The following IGFLR1 variants were observed in gnomAD, a reference collection of about 807,000 sequenced individuals.
The protein encoded by IGFLR1 is IGF-like family receptor 1.
IGFLR1 carries 17 observed loss-of-function variants against 23.4 expected under a neutral mutation model. The ratio of observed to expected loss-of-function variants is 0.73; its 90% confidence interval spans 0.50 to 1.09. The LOEUF is 1.09. Ranked by LOEUF, IGFLR1 falls within the 50% of genes least tolerant of loss-of-function variation. The probability of loss-of-function intolerance (pLI) is 0.00; values close to 1 mark genes in which losing one functional copy is unlikely to be tolerated. For missense variants in IGFLR1, 556 were observed against 459.2 expected (o/e 1.21, Z -1.93); for synonymous variants, 265 against 210.7 (o/e 1.26, Z -2.23).
In IGFLR1 at chr19:35,739,413, A is replaced by G. The variant is rs772717230; in HGVS notation, c.935T>C (p.Leu312Pro). Residue 312 changes from leucine (L) to proline (P), a missense_variant, in exon 5 of 5, where the codon CTG becomes CCG. Leu to Pro is a moderately conservative substitution (Grantham distance 98, BLOSUM62 -3). Transcript: ENST00000246532. ...CTCCCTTGCCACCACCATCTCAATC[A>G]GAGCCCGCAGCGGCGAGCGACTCGG... ...LRPSRSPLRALIEMVVAREPS... is the reference protein window; with the variant it reads ...LRPSRSPLRAPIEMVVAREPS... The G allele has an allele frequency of 1.9e-6, 3 of 1,613,792 alleles. No homozygotes were observed. The highest frequency in any genetic ancestry group is 2.2e-5 in the South Asian group (2 of 91,070).
At chr19:35,739,662 C>G in intron 4 of IGFLR1, 36 bp from the exon 5 acceptor site, 1 of 1,577,780 alleles carries the variant, frequency 6.3e-7, no homozygotes, top group Non-Finnish European at 8.6e-7. Context: ...TGCGGAAGAG[C>G]GGGCGTCCAG....
At chr19:35,742,097 G>A (rs958367646) in intron 1 of IGFLR1, among the ~76,000 whole-genome samples, 3 of 152,294 alleles carry the variant, frequency 2.0e-5, no homozygotes, top group African/African-American at 4.8e-5. Context: ...CAACAGGAAT[G>A]AAACTCCTTA....
rs1275254019 is a variant in IGFLR1 at position 35,739,931 on chromosome 19, A to G, written c.500T>C (p.Leu167Pro). The change falls in exon 4 of 5, where the codon CTG becomes CCG. Residue 167 changes from leucine to proline, a missense_variant. Coordinates refer to ENST00000246532, the MANE Select transcript of IGFLR1 (RefSeq NM_024660.4). The stretch of plus-strand genomic sequence containing the variant: ...CACCGCCAAGGTCAGGAGCAGGACC[A>G]GCACCACGAGCGGAAGGAAATTCGG... ...AWPNFLPLVV[L>P]VLLLTLAVIA... 3.1e-6 allele frequency: 5 copies of G among 1,614,060 alleles called. No individual in the cohort carries two copies. The highest frequency in any genetic ancestry group is 1.7e-5 in the Admixed American group (1 of 60,004).
In IGFLR1 at chr19:35,742,437, C is replaced by A; in HGVS notation, c.-85G>T. ...CCCAAGCTGGCCGTGCCAAGTTCCT[C>A]AGCTGAAGTTGTGGCCAGGACCCAG... On this transcript the variant is annotated 5_prime_UTR_variant, in exon 1 of 5. Transcript: ENST00000246532. The A allele has an allele frequency of 6.5e-7, 1 of 1,536,682 alleles. No individual in the cohort carries two copies. Among genetic ancestry groups the A allele is most frequent in the Non-Finnish European group, 8.7e-7 (1 of 1,146,748 alleles).
intron 2 of IGFLR1, 39 bp from the exon 3 acceptor site, chr19:35,740,603 C>A: frequency 6.4e-7 from 1 of 1,554,812 alleles, no homozygotes; most frequent in Non-Finnish European, 8.7e-7. Context: ...CCGCCTAGCC[C>A]GCCCCTGCGC....
rs1266300327 is a variant in IGFLR1 at position 35,740,802 on chromosome 19, GC to G, written c.157+221del. 1.1e-4 allele frequency: 70 copies of G among 633,112 alleles called. 2 individuals are homozygous for G. Among genetic ancestry groups the G allele is most frequent in the Admixed American group, 3.1e-5 (1 of 31,764 alleles). The allele number at this position is 633,112 out of a possible 1,614,324, so 39.2% of individuals were successfully genotyped here. A position where few individuals can be genotyped will look rare whatever the true frequency, so the allele number is the denominator to read the frequency against. ...ACATAAAGCCCACCCTTTCCACGCG[GC>G]CCCTATCCCGCCTCTCCAGCCATAT... On this transcript the variant is annotated intron_variant, in intron 2 of 4. Coordinates refer to ENST00000246532, the MANE Select transcript of IGFLR1 (RefSeq NM_024660.4).
intron 1 of IGFLR1, 31 bp from the exon 2 acceptor site, chr19:35,741,254 A>C: frequency 6.4e-7 from 1 of 1,574,220 alleles, no homozygotes; most frequent in Non-Finnish European, 8.6e-7. Flanking sequence ...GGGCAGAAGA[A>C]AGGACGCGGT....
chr19:35,740,567 A>G lies in IGFLR1; in HGVS notation c.158-3T>C, dbSNP rs773365932. 5 of 1,598,236 alleles carry G rather than the reference A, an allele frequency of 3.1e-6. No homozygotes were observed. In the Admixed American group the frequency reaches 8.6e-5, roughly 28 times the overall value. On this transcript the variant is annotated splice_region_variant and splice_polypyrimidine_tract_variant and intron_variant, in intron 2 of 4. Coordinates refer to ENST00000246532, the MANE Select transcript of IGFLR1 (RefSeq NM_024660.4). ...GCAGTTTTCCCGGAACTCATAGTCT[A>G]GCGGGAAAGCTGCGCTCCAGTGCGG...
In IGFLR1 at chr19:35,740,550, C is replaced by T. The variant is rs780745961; in HGVS notation, c.172G>A (p.Glu58Lys). The change falls in exon 3 of 5, where the codon GAA becomes AAA. Residue 58 changes from glutamate to lysine, a missense_variant. Physicochemically the swap from Glu to Lys is moderately conservative, Grantham distance 56 (BLOSUM62 1). Transcript: ENST00000246532. ...PPPCPDYEFR[E>K]NCGLNDHGDF... ...CCGTGGTCATTGAGTCCGCAGTTTT[C>T]CCGGAACTCATAGTCTAGCGGGAAA... 3.1e-6 allele frequency: 5 copies of T among 1,607,202 alleles called. No homozygotes were observed. Among genetic ancestry groups the T allele is most frequent in the African/African-American group, 2.7e-5 (2 of 74,714 alleles).
At chr19:35,740,917 G>T in intron 2 of IGFLR1, 107 bp downstream of exon 2, 2 of 1,070,644 alleles carry the variant, frequency 1.9e-6, no homozygotes, top group South Asian at 1.5e-5. Flanking sequence ...CCACCGCTTA[G>T]ACCCCTAAGC....
At chr19:35,740,356 C>T (rs755307580) in intron 3 of IGFLR1, 24 bp downstream of exon 3, 13 of 1,549,214 alleles carry the variant, frequency 8.4e-6, no homozygotes, top group Non-Finnish European at 1.1e-5. Flanking sequence ...CACGCCCTTG[C>T]CCTGCCGGGA....
At chr19:35,740,337 C>A in intron 3 of IGFLR1, 43 bp downstream of exon 3, 2 of 1,510,574 alleles carry the variant, frequency 1.3e-6, no homozygotes, top group South Asian at 2.6e-5. Context: ...CTAGGCCCCC[C>A]ACCTCCAGCA....
Position 35,740,552 on chromosome 19 carries a change from C to G in IGFLR1, c.170G>C (p.Arg57Pro). Residue 57 changes from arginine to proline, a missense_variant, in exon 3 of 5, where the codon CGG (arginine) becomes CCG (proline). Transcript: ENST00000246532. Reference sequence around the variant, plus strand: ...GTGGTCATTGAGTCCGCAGTTTTCCCGGAACTCATAGTCTAGCGGGAAAGC... The same window carrying G: ...GTGGTCATTGAGTCCGCAGTTTTCCGGGAACTCATAGTCTAGCGGGAAAGC... ...GPPPCPDYEF[R>P]ENCGLNDHGD... 4 of 1,606,454 alleles carry G rather than the reference C, an allele frequency of 2.5e-6. No individual in the cohort carries two copies. The highest frequency in any genetic ancestry group is 3.4e-6 in the Non-Finnish European group (4 of 1,176,728).
chr19:35,740,038 G>A lies in IGFLR1; in HGVS notation c.393C>T (p.Gly131=), dbSNP rs1423917506. 6.2e-7 allele frequency: 1 copy of A among 1,613,918 alleles called. No individual in the cohort carries two copies. The highest frequency in any genetic ancestry group is 8.5e-7 in the Non-Finnish European group (1 of 1,179,942). Residue 131 remains glycine (G), a synonymous_variant, in exon 4 of 5, where the codon GGC becomes GGT. Transcript: ENST00000246532. The part of the protein sequence containing the change: ...GHCPLTPGNP[G]APSSQERSSP... ...AGCTGCGCTCCTGGGAGCTAGGGGC[G>A]CCTGGGTTTCCAGGTGTGAGGGGGC...
chr19:35,739,427 C>CCTCT lies in IGFLR1; in HGVS notation c.920_921insAGAG (p.Pro308GlufsTer8). The CCTCT allele has an allele frequency of 6.2e-7, 1 of 1,613,888 alleles. No homozygotes were observed. Among genetic ancestry groups the CCTCT allele is most frequent in the Non-Finnish European group, 8.5e-7 (1 of 1,179,952 alleles). On this transcript the variant is annotated frameshift_variant, in exon 5 of 5. Coordinates refer to ENST00000246532, the MANE Select transcript of IGFLR1 (RefSeq NM_024660.4). LOFTEE classifies it low-confidence loss of function (END_TRUNC). ...CCATCTCAATCAGAGCCCGCAGCGG[C>CCTCT]GAGCGACTCGGCCTCAGCGAATAGG...
chr19:35,739,207 A>G lies in IGFLR1; in HGVS notation c.*73T>C. 1 of 1,334,772 alleles carries G rather than the reference A, an allele frequency of 7.5e-7. No homozygotes were observed. The highest frequency in any genetic ancestry group is 1.5e-5 in the South Asian group (1 of 67,626). 82.7% of individuals were successfully genotyped at this position (1,334,772 alleles called of 1,614,324 possible). On this transcript the variant is annotated 3_prime_UTR_variant, in exon 5 of 5. Coordinates refer to ENST00000246532, the MANE Select transcript of IGFLR1 (RefSeq NM_024660.4). ...TCTGTTGGGTCTTTGCCCAATTAGGATTGTACTTCAAGAAGTACTTCAGTG... is the reference window on the plus strand; with the variant it reads ...TCTGTTGGGTCTTTGCCCAATTAGGGTTGTACTTCAAGAAGTACTTCAGTG...
chr19:35,741,005 C>T lies in IGFLR1; in HGVS notation c.157+19G>A, dbSNP rs750068085. 1.1e-5 allele frequency: 18 copies of T among 1,610,090 alleles called. No individual in the cohort carries two copies. Among genetic ancestry groups the T allele is most frequent in the Middle Eastern group, 1.8e-4 (1 of 5,464 alleles). ...ACCTGCAAGCTCCGCCCAAGCAAGG[C>T]TCGGTCTCGGATTCTCACCCGGGCA... On this transcript the variant is annotated intron_variant, in intron 2 of 4. Transcript: ENST00000246532.
At chr19:35,740,176 G>T in intron 3 of IGFLR1, 88 bp from the exon 4 acceptor site, 1 of 1,438,836 alleles carries the variant, frequency 7.0e-7, no homozygotes, top group Non-Finnish European at 9.2e-7. Context: ...CTTTAATGGG[G>T]CCACATCCCA....
At position 35,739,876 on chromosome 19, in the gene IGFLR1, C is replaced by A; in HGVS notation, c.555G>T (p.Trp185Cys). The change falls in exon 4 of 5, where the codon TGG becomes TGT. Residue 185 changes from tryptophan to cysteine, a missense_variant. Transcript: ENST00000246532. ...CTTTCTCCTTGGGCCAGCAGAGATG[C>A]CAGAGCAGAATAAACAGGAGGATCG... ...VIAILLFILL[W>C]HLCWPKEKAD... 6.2e-7 allele frequency: 1 copy of A among 1,614,028 alleles called. No homozygotes were observed. Among genetic ancestry groups the A allele is most frequent in the Non-Finnish European group, 8.5e-7 (1 of 1,179,962 alleles).
Sources: gnomAD v4.1 joint callset for allele counts (sites outside exome capture counted in the v4.1 genomes callset) on GRCh38, gnomAD v4.1.1 for gene constraint, MANE v1.5 for transcripts, NCBI Gene and HGNC (gene_info 2026-07-23, HGNC 2026-07-21) for gene names.